Variants in LAMC2 observed in about 807,000 individuals in gnomAD.
LAMC2 encodes laminin subunit gamma-2.
Under a neutral mutation model 140.2 loss-of-function variants are expected in LAMC2, and 97 were observed. The ratio of observed to expected loss-of-function variants is 0.69; its 90% confidence interval spans 0.59 to 0.82. LAMC2 has a LOEUF of 0.82. Ranked by LOEUF, LAMC2 falls within the 40% of genes least tolerant of loss-of-function variation. The pLI, the probability that LAMC2 is intolerant of heterozygous loss-of-function variation, is 0.00. For synonymous variants in LAMC2, 513 were observed against 540.2 expected (o/e 0.95, Z 0.70); for missense variants, 1,402 against 1,476.1 (o/e 0.95, Z 0.82).
Position 183,216,191 on chromosome 1 carries a change from C to T in LAMC2, c.404+603C>T, listed in dbSNP as rs530022020. 1.8e-4 allele frequency among the ~76,000 whole-genome samples: 28 copies of T among 152,294 alleles called. 1 individual carries two copies. In the East Asian group the frequency reaches 4.8e-3, roughly 26 times the overall value. On this transcript the variant is annotated intron_variant, in intron 3 of 22. Coordinates refer to ENST00000264144, the MANE Select transcript of LAMC2 (RefSeq NM_005562.3). ...CCCACAGAGGAGGCGCGTCCCATTG[C>T]CCACTTTGCTGGCTCCTTGCTGGGA...
rs1245073970 is a variant in LAMC2, at chr1:183,243,351, A to T, written c.3533A>T (p.Asp1178Val). 6.2e-7 allele frequency: 1 copy of T among 1,614,214 alleles called. No individual in the cohort carries two copies. The highest frequency in any genetic ancestry group is 8.5e-7 in the Non-Finnish European group (1 of 1,180,026). The change falls in exon 23 of 23, where the codon GAC becomes GTC. Residue 1178 changes from aspartate to valine, a missense_variant. Asp to Val is a radical substitution (Grantham distance 152). Transcript: ENST00000264144. ...ADVKNLENIRDNLPPGCYNTQ... is the reference protein window; with the variant it reads ...ADVKNLENIRVNLPPGCYNTQ... ...GTGAAGAACTTGGAGAACATTAGGG[A>T]CAACCTGCCCCCAGGCTGCTACAAT...
In LAMC2 at chr1:183,239,571, G is replaced by T. The variant is rs759342192; in HGVS notation, c.3069+8G>T. 21 of 1,611,404 alleles carry T rather than the reference G, an allele frequency of 1.3e-5. No individual in the cohort carries two copies. In the East Asian group the frequency reaches 2.7e-4, roughly 21 times the overall value. Reference sequence around the variant, plus strand: ...TCCAGTGAGATTGAACAGGTAAAGAGAAATCGACATGTGTGTTGGTGCCAG... The same window carrying T: ...TCCAGTGAGATTGAACAGGTAAAGATAAATCGACATGTGTGTTGGTGCCAG... On this transcript the variant is annotated splice_region_variant and intron_variant, in intron 20 of 22. Transcript: ENST00000264144.
the LAMC2 span, among the ~76,000 whole-genome samples, chr1:183,254,933 T>C: frequency 1.3e-5 from 2 of 152,248 alleles, no homozygotes; most frequent in South Asian, 4.1e-4. Flanking sequence ...TCCCATTTAT[T>C]TATTTATTTG....
chr1:183,187,793 AT>A (rs1379483137), intron 1 of LAMC2, among the ~76,000 whole-genome samples: 1 of 152,218 alleles, frequency 6.6e-6, no homozygotes, highest in Non-Finnish European at 1.5e-5. Flanking sequence ...GAATCTCTTG[AT>A]TTGAAAAATG....
intron 20 of LAMC2, chr1:183,239,834 C>T: frequency 1.5e-6 from 1 of 671,190 alleles, no homozygotes; most frequent in Non-Finnish European, 2.6e-6. Context: ...TGGCCGCTGA[C>T]CTTCCTAGTC....
chr1:183,236,460 A>T lies in LAMC2; in HGVS notation c.2457A>T (p.Lys819Asn). The change falls in exon 17 of 23, where the codon AAA becomes AAT. Residue 819 changes from lysine (K) to asparagine (N), a missense_variant and splice_region_variant. Lys to Asn is a moderately conservative substitution (Grantham distance 94). Around this residue, in one of 3 missense-constraint regions of LAMC2, gnomAD observed 670 missense variants for 667.2 expected, o/e 1.00. Coordinates refer to ENST00000264144, the MANE Select transcript of LAMC2 (RefSeq NM_005562.3). ...GCCCCCTCCCCACCCCCAACACCAG[A>T]TTGGAGAAAACCAAGTCCCTGGCCC... ...DGAVVQGLVEKLEKTKSLAQQ... is the reference protein window; with the variant it reads ...DGAVVQGLVENLEKTKSLAQQ... The T allele has an allele frequency of 6.2e-7, 1 of 1,607,540 alleles. No individual in the cohort carries two copies. Among genetic ancestry groups the T allele is most frequent in the South Asian group, 1.1e-5 (1 of 90,952 alleles).
At chr1:183,256,039 C>G in the LAMC2 span, among the ~76,000 whole-genome samples, 54 of 151,830 alleles carry the variant, frequency 3.6e-4, no homozygotes, top group Admixed American at 2.9e-3. Context: ...TGCTTTATAT[C>G]AGGTCTTAGA....
rs371835655 is a variant in LAMC2 at position 183,231,132 on chromosome 1, A to G, written c.1857+29A>G. 11 of 1,613,040 alleles carry G rather than the reference A, an allele frequency of 6.8e-6. No individual in the cohort carries two copies. The African/African-American group carries it at 1.5e-4, about 22-fold the overall frequency. On this transcript the variant is annotated intron_variant, in intron 12 of 22. Transcript: ENST00000264144. The stretch of plus-strand genomic sequence containing the variant: ...TGCATTCTTCCCCTTACCACCCCCA[A>G]CCCCACAGAATCAAATCCTTAAGTG...
At chr1:183,198,805 G>A (rs1215134350) in intron 1 of LAMC2, among the ~76,000 whole-genome samples, 1 of 152,158 alleles carries the variant, frequency 6.6e-6, no homozygotes, top group East Asian at 1.9e-4. Context: ...TTGCAGCTCT[G>A]GGGTCATAGA....
At chr1:183,243,040 A>T in intron 22 of LAMC2, 107 bp from the exon 23 acceptor site, 1 of 1,222,932 alleles carries the variant, frequency 8.2e-7, no homozygotes, top group Non-Finnish European at 1.2e-6. Context: ...TATTTGCTCT[A>T]GGCAAGTGGA....
chr1:183,243,674 C>G lies in LAMC2; in HGVS notation c.*274C>G. 1 of 505,740 alleles carries G rather than the reference C, an allele frequency of 2.0e-6. No homozygotes were observed. The highest frequency in any genetic ancestry group is 2.1e-5 in the South Asian group (1 of 46,664). The allele number at this position is 505,740 out of a possible 1,614,324, so 31.3% of individuals were successfully genotyped here. A position where few individuals can be genotyped will look rare whatever the true frequency, so the allele number is the denominator to read the frequency against. ...CCAAAGAATAGACTGGATGGAAAGA[C>G]AAACTGCACAGGCAGATGTTTGCCT... On this transcript the variant is annotated 3_prime_UTR_variant, in exon 23 of 23. Transcript: ENST00000264144.
At chr1:183,239,861 T>C in intron 20 of LAMC2, 179 bp from the exon 21 acceptor site, 1 of 742,694 alleles carries the variant, frequency 1.3e-6, no homozygotes, top group Non-Finnish European at 2.3e-6. Context: ...CCAGATTAGC[T>C]TGTTTGAGGC....
chr1:183,253,725 C>T, the LAMC2 span, among the ~76,000 whole-genome samples: 1 of 152,086 alleles, frequency 6.6e-6, no homozygotes, highest in South Asian at 2.1e-4. Context: ...CACACTTGAC[C>T]CTGGTAATCA....
chr1:183,228,318 T>C lies in LAMC2; in HGVS notation c.1469-56T>C. 6.2e-7 allele frequency: 1 copy of C among 1,613,326 alleles called. No homozygotes were observed. ...TGACTCGCAACTTTAGGCCTCTGCG[T>C]CTGGTCTTCCTCCTGATGGATGTCG... On this transcript the variant is annotated intron_variant, in intron 10 of 22. Transcript: ENST00000264144. This position sits in a 1 kb window ranked among gnomAD's most constrained non-coding sequence, Gnocchi z 4.3.
rs754205189 is a variant in LAMC2 at position 183,238,445 on chromosome 1, AC to A, written c.2869+25del. ...AGGTTAGTACTTCATGGTTCAGGTC[AC>A]TTGAGTATTTTAAGTGTATAGTCAT... is the stretch of plus-strand genomic sequence containing the variant. On this transcript the variant is annotated intron_variant, in intron 19 of 22. Transcript: ENST00000264144. 7 of 1,506,050 alleles carry A rather than the reference AC, an allele frequency of 4.6e-6. No individual in the cohort carries two copies. In the South Asian group the frequency reaches 7.9e-5, roughly 17 times the overall value. The allele number at this position is 1,506,050 out of a possible 1,614,324, so 93.3% of individuals were successfully genotyped here.
rs575006203 is a variant in LAMC2, at chr1:183,211,762, C to T, written c.269-3691C>T. Among the ~76,000 whole-genome samples, 4 of 152,318 alleles carry T rather than the reference C, an allele frequency of 2.6e-5. No individual in the cohort carries two copies. The South Asian group carries it at 8.3e-4, about 32-fold the overall frequency. On this transcript the variant is annotated intron_variant, in intron 2 of 22. Coordinates refer to ENST00000264144, the MANE Select transcript of LAMC2 (RefSeq NM_005562.3). ...GCTCAAGAAATCCTCCTGCCTCAGT[C>T]TCCCCTAACTGCTGGTATTACAAGC...
chr1:183,237,606 C>G, intron 18 of LAMC2, 102 bp downstream of exon 18: 1 of 1,176,166 alleles, frequency 8.5e-7, no homozygotes, highest in East Asian at 2.6e-5. Flanking sequence ...TGACCAGGCA[C>G]GGTGACTTAT....
intron 1 of LAMC2, among the ~76,000 whole-genome samples, chr1:183,207,562 A>G (rs1423255049): frequency 6.6e-6 from 1 of 152,198 alleles, no homozygotes; most frequent in Non-Finnish European, 1.5e-5. Flanking sequence ...TTTAAATCAG[A>G]AATATCCGCA....
At chr1:183,223,836 G>A (rs1304918419) in intron 7 of LAMC2, among the ~76,000 whole-genome samples, 1 of 152,186 alleles carries the variant, frequency 6.6e-6, no homozygotes, top group Admixed American at 6.5e-5. Context: ...AGAGGTGGGA[G>A]TGACTTTATG....
Sources: allele counts gnomAD v4.1 joint callset (sites outside exome capture counted in the v4.1 genomes callset), GRCh38; gene constraint gnomAD v4.1.1; regional missense constraint gnomAD v4.1.1; non-coding constraint Gnocchi (gnomAD v3.1); transcripts MANE v1.5; gene names NCBI Gene and HGNC (gene_info 2026-07-23, HGNC 2026-07-21).